The following EPHA5 variants were observed in gnomAD, a reference collection of about 807,000 sequenced individuals.
The protein encoded by EPHA5 is EPH receptor A5.
EPHA5 carries 60 observed loss-of-function variants against 105.0 expected under a neutral mutation model. That is an observed-to-expected ratio of 0.57 (90% confidence interval 0.46 to 0.71). The LOEUF (loss-of-function observed/expected upper bound fraction) is 0.71. EPHA5 is among the 30% of genes least tolerant of loss of function. EPHA5 has a pLI of 0.00. For missense variants in EPHA5, 1,218 were observed against 1,274.7 expected, an observed-to-expected ratio of 0.96 and a Z score of 0.68; for synonymous variants, 513 against 449.1, an observed-to-expected ratio of 1.14 and a Z score of -1.80.
Position 65,507,797 on chromosome 4 carries a change from G to A in EPHA5, c.911-12254C>T, listed in dbSNP as rs539040218. ...GATGGGGTTTTATAGATATACAATCGGGAATGTTTTTAAAAAGAGAAATCT... is the reference window on the plus strand; with the variant it reads ...GATGGGGTTTTATAGATATACAATCAGGAATGTTTTTAAAAAGAGAAATCT... On this transcript the variant is annotated intron_variant, in intron 3 of 16. Transcript: ENST00000613740. Among the ~76,000 whole-genome samples, 50 of 151,188 alleles carry A rather than the reference G, an allele frequency of 3.3e-4. No individual in the cohort carries two copies. In the Middle Eastern group the frequency reaches 0.01, roughly 31 times the overall value.
At chr4:65,413,987 A>G (rs536495254) in intron 7 of EPHA5, among the ~76,000 whole-genome samples, 1 of 152,318 alleles carries the variant, frequency 6.6e-6, no homozygotes, top group Admixed American at 6.5e-5. Flanking sequence ...GGAATAATTC[A>G]ATAAAGTATG....
chr4:65,381,876 G>C lies in EPHA5; in HGVS notation c.1794-14452C>G, dbSNP rs753425403. The stretch of plus-strand genomic sequence containing the variant: ...GCAAGAAGGCAACCTTCTGCAAGGT[G>C]GTAAGAGAGCCCTCACTAGGAATCA... On this transcript the variant is annotated intron_variant, in intron 8 of 16. Transcript: ENST00000613740. Among the ~76,000 whole-genome samples the C allele has an allele frequency of 2.0e-5, 3 of 151,646 alleles. No individual in the cohort carries two copies. In the Admixed American group the frequency reaches 2.0e-4, roughly 10 times the overall value.
At chr4:65,522,111 G>T (rs1734789534) in intron 3 of EPHA5, among the ~76,000 whole-genome samples, 1 of 151,740 alleles carries the variant, frequency 6.6e-6, no homozygotes, top group Non-Finnish European at 1.5e-5. Context: ...ATTAAAATAT[G>T]CCAGAAGTGT....
At chr4:65,377,156 T>C (rs1252885603) in intron 8 of EPHA5, 2 of 1,231,050 alleles carry the variant, frequency 1.6e-6, no homozygotes, top group African/African-American at 1.5e-5. Flanking sequence ...AGGTGTCTGC[T>C]TTCCTTTTCA....
At chr4:65,370,065 A>C (rs2148902304) in intron 8 of EPHA5, among the ~76,000 whole-genome samples, 1 of 152,304 alleles carries the variant, frequency 6.6e-6, no homozygotes, top group Non-Finnish European at 1.5e-5. Flanking sequence ...AACTTGAAGT[A>C]ATATTCCTAA....
At chr4:65,520,345 A>T (rs545280526) in intron 3 of EPHA5, among the ~76,000 whole-genome samples, 1 of 152,318 alleles carries the variant, frequency 6.6e-6, no homozygotes, top group South Asian at 2.1e-4. Context: ...CTGAAACTGG[A>T]TCCCTTCCTT....
intron 3 of EPHA5, among the ~76,000 whole-genome samples, chr4:65,522,575 G>T (rs1734858689): frequency 6.6e-6 from 1 of 151,806 alleles, no homozygotes; most frequent in Admixed American, 6.6e-5. Flanking sequence ...TGAGGAACAG[G>T]TTTATAGTGT....
At position 65,353,030 on chromosome 4, in the gene EPHA5, C is replaced by A. The variant is rs1577894276; in HGVS notation, c.2235+12G>T. On this transcript the variant is annotated intron_variant, in intron 12 of 16. Coordinates refer to ENST00000613740, the MANE Select transcript of EPHA5 (RefSeq NM_001281766.3). ...TAACACCTTGAATAACTAAATTATT[C>A]CCCAATCCTACCTTCAAAAATGTAT... is the stretch of plus-strand genomic sequence containing the variant. 2 of 1,510,982 alleles carry A rather than the reference C, an allele frequency of 1.3e-6. No individual in the cohort carries two copies. The highest frequency in any genetic ancestry group is 1.3e-5 in the South Asian group (1 of 79,962). 93.6% of individuals were successfully genotyped at this position (1,510,982 alleles called of 1,614,324 possible).
intron 1 of EPHA5, among the ~76,000 whole-genome samples, chr4:65,657,143 C>A (rs1749149047): frequency 6.6e-6 from 1 of 151,894 alleles, no homozygotes. Flanking sequence ...AGAATTCTTG[C>A]CAGCTTGTAA....
At chr4:65,521,064 A>G (rs1246267036) in intron 3 of EPHA5, among the ~76,000 whole-genome samples, 1 of 152,154 alleles carries the variant, frequency 6.6e-6, no homozygotes, top group Non-Finnish European at 1.5e-5. Flanking sequence ...TGCTATAAAG[A>G]CACATGCACA....
intron 5 of EPHA5, among the ~76,000 whole-genome samples, chr4:65,473,275 C>G (rs1299582148): frequency 6.6e-6 from 1 of 152,176 alleles, no homozygotes; most frequent in Non-Finnish European, 1.5e-5. Flanking sequence ...CAACCTCTGC[C>G]TGTTACCCAG....
intron 5 of EPHA5, among the ~76,000 whole-genome samples, chr4:65,447,591 A>G (rs1275297011): frequency 2.4e-4 from 37 of 151,896 alleles, no homozygotes; most frequent in Non-Finnish European, 2.9e-5. Context: ...TCTAAATCTT[A>G]CTACTATTTT....
At chr4:65,352,910 T>C in intron 12 of EPHA5, 132 bp downstream of exon 12, 1 of 428,662 alleles carries the variant, frequency 2.3e-6, no homozygotes, top group Non-Finnish European at 4.2e-6. Flanking sequence ...GCTCCATAAA[T>C]TTCTGTTCTA....
chr4:65,580,247 G>T (rs193047975), intron 3 of EPHA5, among the ~76,000 whole-genome samples: 2 of 151,980 alleles, frequency 1.3e-5, no homozygotes, highest in Admixed American at 1.3e-4. Context: ...GGTTATAGCT[G>T]CTGTAACTAC....
chr4:65,551,358 C>T (rs1209202601), intron 3 of EPHA5, among the ~76,000 whole-genome samples: 2 of 151,052 alleles, frequency 1.3e-5, no homozygotes, highest in Non-Finnish European at 2.9e-5. Context: ...TGAAAGGAAT[C>T]AGTTTTCATA....
chr4:65,623,679 G>A (rs1162670093), intron 2 of EPHA5, among the ~76,000 whole-genome samples: 1 of 152,056 alleles, frequency 6.6e-6, no homozygotes, highest in South Asian at 2.1e-4. Flanking sequence ...CATTAAAAAC[G>A]CTGGAGTCAG....
chr4:65,404,701 A>G (rs182921515), intron 7 of EPHA5, among the ~76,000 whole-genome samples: 2 of 152,318 alleles, frequency 1.3e-5, no homozygotes, highest in Admixed American at 1.3e-4. Flanking sequence ...TCACTAAGTC[A>G]CTGATTATTT....
chr4:65,510,314 G>A (rs1283103547), intron 3 of EPHA5, among the ~76,000 whole-genome samples: 2 of 151,800 alleles, frequency 1.3e-5, no homozygotes, highest in Non-Finnish European at 2.9e-5. Context: ...CAAAGTGCTG[G>A]GATTACAGGC....
intron 7 of EPHA5, among the ~76,000 whole-genome samples, chr4:65,408,837 T>C (rs1722628255): frequency 6.6e-6 from 1 of 151,942 alleles, no homozygotes; most frequent in Non-Finnish European, 1.5e-5. Context: ...ATCCCATTAC[T>C]GGGTATATAC....
Sources: gnomAD v4.1 joint callset for allele counts (sites outside exome capture counted in the v4.1 genomes callset) on GRCh38, gnomAD v4.1.1 for gene constraint, MANE v1.5 for transcripts, NCBI Gene and HGNC (gene_info 2026-07-23, HGNC 2026-07-21) for gene names.